CNNM4: variants seen among roughly 807,000 people sequenced by gnomAD.
CNNM4 encodes cyclin and CBS domain divalent metal cation transport mediator 4.
Under a neutral mutation model 53.7 loss-of-function variants are expected in CNNM4, and 32 were observed. The ratio of observed to expected loss-of-function variants is 0.60; its 90% CI spans 0.45 to 0.80. CNNM4 has a LOEUF of 0.80. CNNM4 is among the 30% of genes least tolerant of loss of function. CNNM4 has a pLI of 0.00. For synonymous variants in CNNM4, 410 were observed against 440.0 expected (o/e 0.93, Z 0.85); for missense variants, 784 against 1,022.0 (o/e 0.77, Z 3.17).
In CNNM4 at chr2:96,797,367, G is replaced by A. The variant is rs995024329; in HGVS notation, c.1547-146G>A. On this transcript the variant is annotated intron_variant, in intron 2 of 6. Coordinates refer to ENST00000377075, the MANE Select transcript of CNNM4 (RefSeq NM_020184.4). This position sits in a 1 kb window ranked among gnomAD's most constrained non-coding sequence, Gnocchi z 6.0. Reference sequence around the variant, plus strand: ...CCTTCACCCTCGGCCTTTGTGCCTCGGCGTCAGCCCAGGACCCTGCCAGCC... The same window carrying A: ...CCTTCACCCTCGGCCTTTGTGCCTCAGCGTCAGCCCAGGACCCTGCCAGCC... The A allele has an allele frequency of 4.5e-5, 62 of 1,385,824 alleles. No individual in the cohort carries two copies. Among genetic ancestry groups the A allele is most frequent in the Non-Finnish European group, 5.2e-5 (51 of 988,238 alleles). 85.8% of individuals were successfully genotyped at this position (1,385,824 alleles called of 1,614,324 possible).
intron 1 of CNNM4, among the ~76,000 whole-genome samples, chr2:96,777,823 A>G (rs2078939673): frequency 6.7e-6 from 1 of 149,010 alleles, no homozygotes; most frequent in Admixed American, 6.7e-5. Flanking sequence ...TTTTTTGTAG[A>G]GAGAGGGTTT....
At chr2:96,788,269 T>C (rs1295004923) in intron 1 of CNNM4, among the ~76,000 whole-genome samples, 5 of 151,536 alleles carry the variant, frequency 3.3e-5, no homozygotes, top group South Asian at 4.2e-4. Flanking sequence ...TTTTTTTTTT[T>C]CTGGAGACAG....
intron 1 of CNNM4, among the ~76,000 whole-genome samples, chr2:96,766,208 G>T (rs1003553814): frequency 6.6e-6 from 1 of 150,854 alleles, no homozygotes; most frequent in Non-Finnish European, 1.5e-5. Context: ...CCAAGTAACA[G>T]GGATTACAGG....
intron 5 of CNNM4, among the ~76,000 whole-genome samples, chr2:96,807,942 G>A (rs1210983715): frequency 6.6e-6 from 1 of 152,044 alleles, no homozygotes; most frequent in African/African-American, 2.4e-5. Flanking sequence ...AAGCTGGAGT[G>A]CAGTGGTGCC....
At chr2:96,805,114 T>C (rs1191489564) in intron 5 of CNNM4, among the ~76,000 whole-genome samples, 3 of 152,156 alleles carry the variant, frequency 2.0e-5, no homozygotes, top group African/African-American at 7.2e-5. Context: ...TTCAGATAGC[T>C]ATGTGAAGTA....
intron 1 of CNNM4, among the ~76,000 whole-genome samples, chr2:96,784,483 A>G (rs2079000230): frequency 6.6e-6 from 1 of 152,180 alleles, no homozygotes; most frequent in African/African-American, 2.4e-5. Flanking sequence ...ACTTTTGTAG[A>G]TGCTTGATAT....
rs371992571 is a variant in CNNM4 at position 96,762,169 on chromosome 2, C to T, written c.1170C>T (p.Ala390=). Residue 390 remains alanine (A), a synonymous_variant, in exon 1 of 7, where the codon GCC becomes GCT. Transcript: ENST00000377075. The stretch of plus-strand genomic sequence containing the variant: ...ACTGCTTCATGATCCGCAGCGATGC[C>T]ATCCTGGACTTCAACACCATGTCGG... The part of the protein sequence containing the change: ...LQDCFMIRSD[A]ILDFNTMSEI... 5.0e-6 allele frequency: 8 copies of T among 1,614,060 alleles called. No homozygotes were observed. The highest frequency in any genetic ancestry group is 1.7e-5 in the Admixed American group (1 of 59,990).
At chr2:96,802,120 AAC>A (rs377356899) in intron 5 of CNNM4, among the ~76,000 whole-genome samples, 4 of 151,116 alleles carry the variant, frequency 2.6e-5, no homozygotes, top group African/African-American at 4.9e-5. Flanking sequence ...TAGACACACA[AAC>A]ACAGAGACAC....
At chr2:96,767,240 G>A (rs759172863) in intron 1 of CNNM4, among the ~76,000 whole-genome samples, 47 of 152,154 alleles carry the variant, frequency 3.1e-4, no homozygotes, top group Non-Finnish European at 4.7e-4. Context: ...CCCATGCTGC[G>A]TGCAAGACGT....
chr2:96,762,694 G>T (rs1269341849), intron 1 of CNNM4, among the ~76,000 whole-genome samples: 2 of 152,148 alleles, frequency 1.3e-5, no homozygotes, highest in Non-Finnish European at 2.9e-5. Flanking sequence ...GCAAGACAGA[G>T]TAAGACAGAT....
intron 1 of CNNM4, among the ~76,000 whole-genome samples, chr2:96,784,694 C>T (rs1224172824): frequency 3.9e-5 from 6 of 152,182 alleles, no homozygotes; most frequent in Admixed American, 2.6e-4. Flanking sequence ...AGCCTGATCA[C>T]CCCTTGGGGT....
intron 5 of CNNM4, 56 bp downstream of exon 5, chr2:96,799,704 C>CA: frequency 7.4e-7 from 1 of 1,349,426 alleles, no homozygotes; most frequent in Non-Finnish European, 1.0e-6. Context: ...GCTGGGGAGC[C>CA]ATGGACCGAC....
intron 1 of CNNM4, among the ~76,000 whole-genome samples, chr2:96,777,547 C>G (rs2078936576): frequency 6.6e-6 from 1 of 152,180 alleles, no homozygotes; most frequent in Non-Finnish European, 1.5e-5. Flanking sequence ...ATTGCTCAGT[C>G]TGGAGTGTAG....
intron 1 of CNNM4, among the ~76,000 whole-genome samples, chr2:96,769,638 G>C (rs1172310467): frequency 1.3e-5 from 2 of 151,998 alleles, no homozygotes; most frequent in African/African-American, 2.4e-5. Context: ...AAGCCAGGCT[G>C]AGGCGACTCC....
rs115933688 is a variant in CNNM4, at chr2:96,772,341, C to T, written c.1402+9940C>T. 6.0e-3 allele frequency among the ~76,000 whole-genome samples: 877 copies of T among 147,180 alleles called. 7 individuals carry two copies. Among genetic ancestry groups the T allele is most frequent in the African/African-American group, 0.021 (811 of 39,396 alleles). ...ACCCGTGCGCACACACACTCATACC[C>T]CTCACATAGGCACAGGCAGGTGCTC... On this transcript the variant is annotated intron_variant, in intron 1 of 6. Coordinates refer to ENST00000377075, the MANE Select transcript of CNNM4 (RefSeq NM_020184.4).
intron 1 of CNNM4, among the ~76,000 whole-genome samples, chr2:96,790,746 G>T (rs965288219): frequency 9.2e-5 from 14 of 151,428 alleles, no homozygotes; most frequent in African/African-American, 3.1e-4. Flanking sequence ...TTGGGAGGCC[G>T]AGGTGGGCGG....
At chr2:96,781,377 T>C (rs1231635677) in intron 1 of CNNM4, among the ~76,000 whole-genome samples, 2 of 151,516 alleles carry the variant, frequency 1.3e-5, no homozygotes, top group African/African-American at 4.9e-5. Context: ...AGAGACAGAG[T>C]CTTGTTCTGT....
intron 5 of CNNM4, among the ~76,000 whole-genome samples, chr2:96,807,451 C>T (rs528237601): frequency 4.6e-5 from 7 of 151,584 alleles, no homozygotes; most frequent in East Asian, 3.9e-4. Context: ...AGTGAAACCC[C>T]GTCTCTACTA....
chr2:96,805,440 A>T (rs74175481), intron 5 of CNNM4, among the ~76,000 whole-genome samples: 31,717 of 83,010 alleles, frequency 0.38, 4,184 homozygotes, highest in Non-Finnish European at 0.44. Flanking sequence ...TTTTTTTTTT[A>T]TTATTTTTTT....
Sources: allele counts gnomAD v4.1 joint callset (sites outside exome capture counted in the v4.1 genomes callset), GRCh38; gene constraint gnomAD v4.1.1; non-coding constraint Gnocchi (gnomAD v3.1); transcripts MANE v1.5; gene names NCBI Gene and HGNC (gene_info 2026-07-23, HGNC 2026-07-21).